The following SRGAP1 variants were observed in gnomAD, a reference collection of about 807,000 sequenced individuals.
SRGAP1 encodes SLIT-ROBO Rho GTPase-activating protein 1.
A neutral mutation model predicts 121.9 loss-of-function variants in SRGAP1; 43 were observed. The observed-to-expected ratio is 0.35, with a 90% CI of 0.28 to 0.46. The LOEUF (loss-of-function observed/expected upper bound fraction) is 0.46. Ranked by LOEUF, SRGAP1 falls within the 20% of genes least tolerant of loss-of-function variation. The pLI, the probability that SRGAP1 is intolerant of heterozygous loss-of-function variation, is 1.00. For missense variants in SRGAP1, 1,102 were observed against 1,350.9 expected (o/e 0.82, Z 2.89); for synonymous variants, 447 against 485.4 (o/e 0.92, Z 1.04).
rs1358912845 is a variant in SRGAP1 at position 64,161,504 on chromosome 12, T to C, written c.*18832T>C. ...ATTTCCAAAAGCTCTTTTTGTGAGC[T>C]GGCTGTTCATTTTTTTATAGAATCC... On this transcript the variant is annotated 3_prime_UTR_variant, in exon 22 of 22. Coordinates refer to ENST00000355086, the MANE Select transcript of SRGAP1 (RefSeq NM_020762.4). 2 of 152,222 alleles carry C rather than the reference T, an allele frequency of 1.3e-5. No individual in the cohort carries two copies. Among genetic ancestry groups the C allele is most frequent in the Non-Finnish European group, 2.9e-5 (2 of 68,038 alleles). The allele number at this position is 152,222 out of a possible 1,614,324, so 9.4% of individuals were successfully genotyped here.
chr12:64,022,159 G>A (rs1232586052), intron 4 of SRGAP1, among the ~76,000 whole-genome samples: 1 of 151,616 alleles, frequency 6.6e-6, no homozygotes, highest in Admixed American at 6.6e-5. Context: ...CAGAATGGGT[G>A]TGTGTGTGTG....
intron 1 of SRGAP1, among the ~76,000 whole-genome samples, chr12:63,945,221 G>T (rs1223835059): frequency 6.6e-6 from 1 of 151,566 alleles, no homozygotes; most frequent in East Asian, 1.9e-4. Context: ...TCTTCTCAGG[G>T]CCAAAGGCTT....
intron 15 of SRGAP1, chr12:64,108,731 G>GT (rs1311014535): frequency 2.6e-6 from 1 of 378,232 alleles, no homozygotes; most frequent in Non-Finnish European, 4.7e-6. Context: ...GGAGAAAACG[G>GT]TAAGGGTCAG....
chr12:64,102,255 T>C (rs76385663), intron 15 of SRGAP1, among the ~76,000 whole-genome samples: 2,033 of 152,372 alleles, frequency 0.013, 47 homozygotes, highest in African/African-American at 0.046. Context: ...CAACCTAATG[T>C]TATGCAATTA....
chr12:64,062,527 CTT>C (rs1002204396), intron 6 of SRGAP1, among the ~76,000 whole-genome samples: 1 of 143,888 alleles, frequency 6.9e-6, no homozygotes, highest in Non-Finnish European at 1.5e-5. Context: ...TTTTTTTTTT[CTT>C]TTTTTCACAT....
chr12:64,013,978 G>A (rs1326992293), intron 3 of SRGAP1, among the ~76,000 whole-genome samples: 1 of 152,188 alleles, frequency 6.6e-6, no homozygotes, highest in Non-Finnish European at 1.5e-5. Flanking sequence ...AGGACAAGGT[G>A]ATGTGGCCTT....
intron 1 of SRGAP1, among the ~76,000 whole-genome samples, chr12:63,929,574 AG>A (rs2031390490): frequency 7.3e-6 from 1 of 136,376 alleles, no homozygotes. Context: ...AGCCCCCACG[AG>A]TTTTTTTTTT....
At chr12:63,921,482 A>G (rs925820972) in intron 1 of SRGAP1, among the ~76,000 whole-genome samples, 1 of 152,112 alleles carries the variant, frequency 6.6e-6, no homozygotes, top group Non-Finnish European at 1.5e-5. Context: ...TGAAGGCACA[A>G]ATTCATTTCC....
At chr12:64,067,706 A>G (rs555434615) in intron 8 of SRGAP1, among the ~76,000 whole-genome samples, 24 of 152,314 alleles carry the variant, frequency 1.6e-4, no homozygotes, top group African/African-American at 5.5e-4. Context: ...TTGGGAGAAT[A>G]GAACAGTTTG....
chr12:64,049,983 G>T (rs2035209354), intron 6 of SRGAP1, among the ~76,000 whole-genome samples: 1 of 152,132 alleles, frequency 6.6e-6, no homozygotes, highest in Admixed American at 6.6e-5. Context: ...GCTTTGGGAA[G>T]TCTGGACATT....
At chr12:63,949,236 TAAGAGA>T (rs2032199523) in intron 1 of SRGAP1, among the ~76,000 whole-genome samples, 1 of 140,810 alleles carries the variant, frequency 7.1e-6, no homozygotes, top group African/African-American at 2.6e-5. Flanking sequence ...ATATACCAAA[TAAGAGA>T]ATATATCTCT....
At chr12:63,899,312 G>T (rs1459588476) in intron 1 of SRGAP1, among the ~76,000 whole-genome samples, 1 of 152,014 alleles carries the variant, frequency 6.6e-6, no homozygotes, top group Non-Finnish European at 1.5e-5. Context: ...ACTCCTGCCT[G>T]GGTGACAGAG....
At position 64,157,228 on chromosome 12, in the gene SRGAP1, A is replaced by T. The variant is rs550211004; in HGVS notation, c.*14556A>T. The T allele has an allele frequency of 1.3e-5, 2 of 152,370 alleles. No individual in the cohort carries two copies. The highest frequency in any genetic ancestry group is 1.3e-4 in the Admixed American group (2 of 15,304). The allele number at this position is 152,370 out of a possible 1,614,324, so 9.4% of individuals were successfully genotyped here. A position where few individuals can be genotyped will look rare whatever the true frequency, so the allele number is the denominator to read the frequency against. On this transcript the variant is annotated 3_prime_UTR_variant, in exon 22 of 22. Coordinates refer to ENST00000355086, the MANE Select transcript of SRGAP1 (RefSeq NM_020762.4). ...GTTACCATATGTCTGACACTGTAGG[A>T]AGAGCTGAAGCAGGGCCTAAAACAC...
At chr12:63,868,073 TTTTTTGTTTTTTTTTTTTTG>T (rs1427894987) in intron 1 of SRGAP1, among the ~76,000 whole-genome samples, 3,491 of 99,232 alleles carry the variant, frequency 0.035, 55 homozygotes, top group East Asian at 0.083. Flanking sequence ...TTTTTTTTTT[TTTTTTGTTTTTTTTTTTTTG>T]TTTTTTGAGA....
intron 1 of SRGAP1, among the ~76,000 whole-genome samples, chr12:63,903,901 G>A (rs1240218877): frequency 6.6e-6 from 1 of 152,122 alleles, no homozygotes; most frequent in African/African-American, 2.4e-5. Flanking sequence ...CCAAATTGCT[G>A]GGATTACAGG....
In SRGAP1 at chr12:64,154,644, C is replaced by A. The variant is rs2037149678; in HGVS notation, c.*11972C>A. ...GAAGAAGTTGGCCAGGATGTACAAC[C>A]AAGTATTCACGTTTGAATTTATTTA... On this transcript the variant is annotated 3_prime_UTR_variant, in exon 22 of 22. Coordinates refer to ENST00000355086, the MANE Select transcript of SRGAP1 (RefSeq NM_020762.4). 2.0e-5 allele frequency: 3 copies of A among 152,066 alleles called. No homozygotes were observed. The highest frequency in any genetic ancestry group is 4.1e-4 in the South Asian group (2 of 4,832). 9.4% of individuals were successfully genotyped at this position (152,066 alleles called of 1,614,324 possible).
At chr12:64,007,349 G>A (rs1469734735) in intron 3 of SRGAP1, among the ~76,000 whole-genome samples, 1 of 152,120 alleles carries the variant, frequency 6.6e-6, no homozygotes, top group Non-Finnish European at 1.5e-5. Flanking sequence ...CTCATAAGGA[G>A]CACATAACCT....
intron 18 of SRGAP1, among the ~76,000 whole-genome samples, chr12:64,121,534 C>T (rs898803154): frequency 6.6e-6 from 1 of 152,138 alleles, no homozygotes; most frequent in Middle Eastern, 3.2e-3. Context: ...GGATTGCAGG[C>T]GTGAGCCACC....
chr12:64,076,412 A>G (rs1036376304), intron 8 of SRGAP1, among the ~76,000 whole-genome samples: 1 of 152,222 alleles, frequency 6.6e-6, no homozygotes, highest in Non-Finnish European at 1.5e-5. Context: ...AAAATAACAG[A>G]TTTGAAAATG....
Sources: gnomAD v4.1 joint callset for allele counts (sites outside exome capture counted in the v4.1 genomes callset) on GRCh38, gnomAD v4.1.1 for gene constraint, MANE v1.5 for transcripts, NCBI Gene and HGNC (gene_info 2026-07-23, HGNC 2026-07-21) for gene names.